NBEA: variants seen among roughly 807,000 people sequenced by gnomAD.
NBEA encodes the protein lysosomal-trafficking regulator 2.
A neutral mutation model predicts 343.4 loss-of-function variants in NBEA; 44 were observed. The ratio of observed to expected loss-of-function variants is 0.13; its 90% confidence interval spans 0.10 to 0.16. NBEA has a LOEUF of 0.16. NBEA is among the 10% of genes least tolerant of loss of function. The pLI is 1.00. For missense variants in NBEA, 2,555 were observed against 3,631.3 expected (o/e 0.70, Z 7.62); for synonymous variants, 1,175 against 1,238.7 (o/e 0.95, Z 1.08).
chr13:35,328,107 G>A (rs1272029687), intron 36 of NBEA, among the ~76,000 whole-genome samples: 2 of 151,798 alleles, frequency 1.3e-5, no homozygotes, highest in East Asian at 3.9e-4. Flanking sequence ...GTTCATTTTG[G>A]CAAATAGAAG....
Position 35,133,730 on chromosome 13 carries a change from A to G in NBEA, c.2337-8539A>G, listed in dbSNP as rs181355528. ...TGATGCAATTTATTTCAATTTCAAAAATACGTGAAGACAAAATTGTAAATT... is the reference window on the plus strand; with the variant it reads ...TGATGCAATTTATTTCAATTTCAAAGATACGTGAAGACAAAATTGTAAATT... On this transcript the variant is annotated intron_variant, in intron 17 of 58. Coordinates refer to ENST00000379939, the MANE Select transcript of NBEA (RefSeq NM_001385012.1). Among the ~76,000 whole-genome samples the G allele has an allele frequency of 7.9e-5, 12 of 152,184 alleles. No individual in the cohort carries two copies. In the East Asian group the frequency reaches 2.3e-3, roughly 29 times the overall value.
intron 52 of NBEA, 26 bp downstream of exon 52, chr13:35,649,873 A>T (rs1336966639): frequency 6.2e-7 from 1 of 1,600,196 alleles, no homozygotes; most frequent in Admixed American, 1.8e-5. Flanking sequence ...CAAATCACTT[A>T]CTAAAGATTT....
chr13:35,522,190 C>G (rs559790327), intron 41 of NBEA, among the ~76,000 whole-genome samples: 3 of 152,170 alleles, frequency 2.0e-5, no homozygotes, highest in Admixed American at 1.3e-4. Context: ...GGCACGGTGG[C>G]TCATGCCTGT....
At chr13:35,403,719 C>A (rs541283351) in intron 38 of NBEA, among the ~76,000 whole-genome samples, 1 of 144,684 alleles carries the variant, frequency 6.9e-6, no homozygotes, top group South Asian at 2.1e-4. Context: ...TCTAAAACAC[C>A]AAAAGCAATG....
intron 38 of NBEA, among the ~76,000 whole-genome samples, chr13:35,403,284 A>G (rs995702142): frequency 2.6e-5 from 4 of 152,090 alleles, no homozygotes; most frequent in Admixed American, 6.6e-5. Flanking sequence ...ATAGCTGCCT[A>G]TTATTTGCAA....
chr13:34,946,592 ATTCATGAAATTTT>A (rs537113836), intron 1 of NBEA, among the ~76,000 whole-genome samples: 60 of 151,812 alleles, frequency 4.0e-4, no homozygotes, highest in East Asian at 7.7e-4. Flanking sequence ...GAATAACTGA[ATTCATGAAATTTT>A]TTCATGAAAT....
At chr13:35,426,381 GT>G (rs908320338) in intron 38 of NBEA, among the ~76,000 whole-genome samples, 41 of 152,268 alleles carry the variant, frequency 2.7e-4, no homozygotes, top group African/African-American at 9.4e-4. Context: ...TGTTTGTAAA[GT>G]TTTTTATTTC....
At chr13:35,499,854 T>C (rs1224697465) in intron 41 of NBEA, among the ~76,000 whole-genome samples, 3 of 152,100 alleles carry the variant, frequency 2.0e-5, no homozygotes, top group African/African-American at 7.2e-5. Flanking sequence ...AAATGAACGC[T>C]GTCTGCTCAG....
At chr13:35,273,741 C>T (rs1369057392) in intron 34 of NBEA, among the ~76,000 whole-genome samples, 2 of 152,068 alleles carry the variant, frequency 1.3e-5, no homozygotes, top group Non-Finnish European at 2.9e-5. Flanking sequence ...AACACCTCTA[C>T]TCAAATAAAC....
chr13:35,094,140 A>T (rs1282849061), intron 10 of NBEA, among the ~76,000 whole-genome samples: 1 of 152,130 alleles, frequency 6.6e-6, no homozygotes, highest in African/African-American at 2.4e-5. Flanking sequence ...TAAAATTAAA[A>T]ATCTCTGACA....
Position 35,183,963 on chromosome 13 carries a change from A to G in NBEA, c.4832-13A>G, listed in dbSNP as rs372194222. 5.4e-5 allele frequency: 86 copies of G among 1,597,850 alleles called. No individual in the cohort carries two copies. Among genetic ancestry groups the G allele is most frequent in the Non-Finnish European group, 6.9e-5 (81 of 1,169,032 alleles). On this transcript the variant is annotated splice_polypyrimidine_tract_variant and intron_variant, in intron 29 of 58. Transcript: ENST00000379939. Reference sequence around the variant, plus strand: ...ATGCTGGCTCAAATTTGATTCCATGATTTTCTCCACAGTTGTGGTCATACC... The same window carrying G: ...ATGCTGGCTCAAATTTGATTCCATGGTTTTCTCCACAGTTGTGGTCATACC...
intron 34 of NBEA, among the ~76,000 whole-genome samples, chr13:35,258,364 TC>T (rs1004436971): frequency 7.6e-4 from 116 of 152,116 alleles, no homozygotes; most frequent in African/African-American, 2.7e-3. Context: ...GATGGTTTCA[TC>T]ATGTTGGTCA....
intron 1 of NBEA, among the ~76,000 whole-genome samples, chr13:34,974,217 A>G (rs1480306905): frequency 1.3e-5 from 2 of 152,052 alleles, no homozygotes; most frequent in African/African-American, 4.8e-5. Flanking sequence ...CAATGCAAGT[A>G]CCTGGATGTT....
intron 1 of NBEA, among the ~76,000 whole-genome samples, chr13:35,005,005 T>G (rs2061268985): frequency 6.6e-6 from 1 of 152,152 alleles, no homozygotes; most frequent in Non-Finnish European, 1.5e-5. Context: ...CCTTATTTAT[T>G]ATATATTATA....
At chr13:35,162,775 G>C (rs866850946) in intron 23 of NBEA, among the ~76,000 whole-genome samples, 2 of 151,858 alleles carry the variant, frequency 1.3e-5, no homozygotes, top group Middle Eastern at 3.4e-3. Flanking sequence ...TAGTAACTAG[G>C]GTTAGGCTAG....
At chr13:35,452,054 C>G in intron 39 of NBEA, 38 bp from the exon 40 acceptor site, 1 of 1,486,528 alleles carries the variant, frequency 6.7e-7, no homozygotes, top group Non-Finnish European at 9.3e-7. Context: ...CAGAAACAAT[C>G]ATAATAACCT....
intron 34 of NBEA, among the ~76,000 whole-genome samples, chr13:35,263,752 C>CA (rs1454875502): frequency 6.6e-6 from 1 of 151,798 alleles, no homozygotes; most frequent in African/African-American, 2.4e-5. Context: ...AACAACATAC[C>CA]AACACCTATG....
chr13:35,597,335 GT>G (rs1299200709), intron 47 of NBEA, among the ~76,000 whole-genome samples: 1 of 152,000 alleles, frequency 6.6e-6, no homozygotes, highest in Non-Finnish European at 1.5e-5. Flanking sequence ...ATAATATTTG[GT>G]GTTTTCCTGC....
At position 35,404,578 on chromosome 13, in the gene NBEA, G is replaced by C. The variant is rs551786069; in HGVS notation, c.6180-27691G>C. Among the ~76,000 whole-genome samples the C allele has an allele frequency of 8.2e-4, 107 of 130,062 alleles. 1 individual carries two copies. Among genetic ancestry groups the C allele is most frequent in the African/African-American group, 3.0e-3 (103 of 33,864 alleles). 85.3% of individuals were successfully genotyped at this position (130,062 alleles called of 152,430 possible). The stretch of plus-strand genomic sequence containing the variant: ...TGAGAACACATGGACACAGGAAGGG[G>C]AACATCACACTCTGGGGACTGTTGT... On this transcript the variant is annotated intron_variant, in intron 38 of 58. Transcript: ENST00000379939.
Sources: gnomAD v4.1 joint callset for allele counts (sites outside exome capture counted in the v4.1 genomes callset) on GRCh38, gnomAD v4.1.1 for gene constraint, MANE v1.5 for transcripts, NCBI Gene and HGNC (gene_info 2026-07-23, HGNC 2026-07-21) for gene names.